Variants in TRPM7 observed in about 807,000 individuals in gnomAD.
TRPM7 encodes the protein LTRPC ion channel family member 7.
TRPM7 carries 134 observed loss-of-function variants against 229.7 expected under a neutral mutation model. The observed-to-expected ratio is 0.58, with a 90% CI of 0.51 to 0.67. TRPM7 has a LOEUF of 0.67. TRPM7 is among the 30% of genes least tolerant of loss of function. The pLI is 0.00. For synonymous variants in TRPM7, 699 were observed against 715.2 expected (o/e 0.98, Z 0.36); for missense variants, 1,901 against 2,210.0 (o/e 0.86, Z 2.80).
intron 15 of TRPM7, 47 bp downstream of exon 15, chr15:50,613,660 A>C: frequency 6.9e-7 from 1 of 1,439,814 alleles, no homozygotes; most frequent in Non-Finnish European, 9.1e-7. Flanking sequence ...GTAATTTAGA[A>C]AGAAGAAAAT....
At chr15:50,562,247 T>C (rs2053351455) in intron 38 of TRPM7, among the ~76,000 whole-genome samples, 1 of 152,132 alleles carries the variant, frequency 6.6e-6, no homozygotes, top group African/African-American at 2.4e-5. Flanking sequence ...AGACTTGTTT[T>C]CCATCAGGTT....
At chr15:50,660,264 T>C (rs541648608) in intron 2 of TRPM7, among the ~76,000 whole-genome samples, 1 of 152,260 alleles carries the variant, frequency 6.6e-6, no homozygotes, top group East Asian at 1.9e-4. Flanking sequence ...CAAAAACATT[T>C]ACAGAATGTA....
chr15:50,586,376 T>G lies in TRPM7; in HGVS notation c.4486+16A>C. Reference sequence around the variant, plus strand: ...AGTATGTTTTCTGACACTATTCATATGGTCAAAATACTCACCTTGTTTTGA... The same window carrying G: ...AGTATGTTTTCTGACACTATTCATAGGGTCAAAATACTCACCTTGTTTTGA... On this transcript the variant is annotated intron_variant, in intron 28 of 38. Transcript: ENST00000646667. The G allele has an allele frequency of 6.6e-7, 1 of 1,511,138 alleles. No individual in the cohort carries two copies. The allele number at this position is 1,511,138 out of a possible 1,614,324, so 93.6% of individuals were successfully genotyped here. A position where few individuals can be genotyped will look rare whatever the true frequency, so the allele number is the denominator to read the frequency against.
At chr15:50,613,565 G>T in intron 15 of TRPM7, 142 bp downstream of exon 15, 13 of 444,272 alleles carry the variant, frequency 2.9e-5, no homozygotes, top group East Asian at 1.0e-4. Flanking sequence ...CTCTGTGTGT[G>T]AGAAAATGAC....
At position 50,674,543 on chromosome 15, in the gene TRPM7, A is replaced by G. The variant is rs1209017579; in HGVS notation, c.4-11497T>C. ...TATTTTTAATGGTTTTTGTCTTTTA[A>G]CCTTCATACTAAAAATACAAATGAT... is the stretch of plus-strand genomic sequence containing the variant. On this transcript the variant is annotated intron_variant, in intron 1 of 38. Transcript: ENST00000646667. Among the ~76,000 whole-genome samples, 3 of 152,130 alleles carry G rather than the reference A, an allele frequency of 2.0e-5. No homozygotes were observed. In the East Asian group the frequency reaches 5.8e-4, roughly 29 times the overall value.
At chr15:50,570,486 GTTTCA>G (rs1342115944) in intron 36 of TRPM7, among the ~76,000 whole-genome samples, 1 of 152,038 alleles carries the variant, frequency 6.6e-6, no homozygotes, top group African/African-American at 2.4e-5. Context: ...ATCTGCCCTT[GTTTCA>G]TCTTAGTTAG....
In TRPM7 at chr15:50,589,591, C is replaced by T; in HGVS notation, c.4389+1G>A. The T allele has an allele frequency of 3.2e-6, 5 of 1,549,156 alleles. No individual in the cohort carries two copies. The highest frequency in any genetic ancestry group is 1.1e-5 in the South Asian group (1 of 87,798). On this transcript the variant is annotated splice_donor_variant, in intron 27 of 38. Coordinates refer to ENST00000646667, the MANE Select transcript of TRPM7 (RefSeq NM_017672.6). LOFTEE classifies it high-confidence loss of function. ...GGGTGTTTTAATAAGGATTTACTTA[C>T]GGATAGTATTTTTATCTTGTTTGAT...
At chr15:50,598,949 AT>A (rs879827432) in intron 22 of TRPM7, among the ~76,000 whole-genome samples, 172 bp downstream of exon 22, 31 of 152,094 alleles carry the variant, frequency 2.0e-4, no homozygotes, top group Admixed American at 1.0e-3. Context: ...ATTCTAAAAT[AT>A]TTTTTCTTCC....
intron 1 of TRPM7, among the ~76,000 whole-genome samples, chr15:50,673,725 G>A (rs1046300952): frequency 3.3e-5 from 5 of 151,924 alleles, no homozygotes; most frequent in African/African-American, 9.7e-5. Flanking sequence ...TATGAATTAC[G>A]CTGCTATAAA....
intron 1 of TRPM7, among the ~76,000 whole-genome samples, chr15:50,673,827 G>A (rs1048924476): frequency 1.3e-5 from 2 of 152,126 alleles, no homozygotes; most frequent in African/African-American, 4.8e-5. Context: ...GGTATCCTAA[G>A]GAATCTCCAC....
At position 50,619,767 on chromosome 15, in the gene TRPM7, T is replaced by C; in HGVS notation, c.1472A>G (p.His491Arg). The stretch of plus-strand genomic sequence containing the variant: ...TACCTGTTTGACGTCTCGAACAAGA[T>C]GAAACAGCATTGGATTAGTTGGACC... The part of the protein sequence containing the change: ...KQGPTNPMLF[H>R]LVRDVKQGNL... Residue 491 changes from histidine to arginine, a missense_variant, in exon 13 of 39, where the codon CAT (histidine) becomes CGT (arginine). Around this residue, in one of 8 missense-constraint regions of TRPM7, gnomAD observed 794 missense variants for 881.9 expected, o/e 0.90. Coordinates refer to ENST00000646667, the MANE Select transcript of TRPM7 (RefSeq NM_017672.6). The C allele has an allele frequency of 6.3e-7, 1 of 1,598,778 alleles. No homozygotes were observed. Among genetic ancestry groups the C allele is most frequent in the Non-Finnish European group, 8.5e-7 (1 of 1,175,616 alleles).
chr15:50,587,396 T>G (rs1596109920), intron 27 of TRPM7, among the ~76,000 whole-genome samples: 1 of 143,562 alleles, frequency 7.0e-6, no homozygotes, highest in South Asian at 2.3e-4. Context: ...ACTGGCTCAA[T>G]AAATACTGCT....
intron 17 of TRPM7, 40 bp downstream of exon 17, chr15:50,611,053 C>G: frequency 6.8e-7 from 1 of 1,478,366 alleles, no homozygotes; most frequent in South Asian, 1.1e-5. Flanking sequence ...TTCTTTTTAT[C>G]TAATCACATG....
chr15:50,685,351 G>C (rs1399863104), intron 1 of TRPM7, among the ~76,000 whole-genome samples: 1 of 152,188 alleles, frequency 6.6e-6, no homozygotes, highest in Non-Finnish European at 1.5e-5. Context: ...CAGCTACTCG[G>C]GAGCCTGAGG....
intron 1 of TRPM7, among the ~76,000 whole-genome samples, chr15:50,678,517 A>AAAAATATAT (rs1234712751): frequency 7.5e-6 from 1 of 132,720 alleles, no homozygotes; most frequent in African/African-American, 2.8e-5. Context: ...AAAAAAAAAA[A>AAAAATATAT]ATATATATAT....
At chr15:50,590,544 C>T (rs149829590) in intron 26 of TRPM7, among the ~76,000 whole-genome samples, 77 of 152,248 alleles carry the variant, frequency 5.1e-4, no homozygotes, top group African/African-American at 1.8e-3. Context: ...GGAATTCACT[C>T]TAGATATACA....
chr15:50,667,418 G>A (rs1350124534), intron 1 of TRPM7, among the ~76,000 whole-genome samples: 3 of 152,064 alleles, frequency 2.0e-5, no homozygotes, highest in Non-Finnish European at 4.4e-5. Context: ...AAAAATAAGA[G>A]CTGCTGGCCG....
At chr15:50,637,637 C>A in intron 6 of TRPM7, 44 bp from the exon 7 acceptor site, 7 of 1,510,994 alleles carry the variant, frequency 4.6e-6, no homozygotes, top group Non-Finnish European at 6.3e-6. Flanking sequence ...GGATTAAATA[C>A]AGTATGATGT....
chr15:50,561,711 T>C lies in TRPM7; in HGVS notation c.5565A>G (p.Ser1855=). ...TCAGACGAACAGAATTAGTTGATTC[T>C]GATTCTTTGGTGGAATTTCCAGGCT... ...NLQPGNSTKE[S]ESTNSVRLML The change falls in exon 39 of 39, where the codon TCA becomes TCG. Residue 1855 remains serine, a synonymous_variant. Transcript: ENST00000646667. 3.1e-6 allele frequency: 5 copies of C among 1,611,258 alleles called. No homozygotes were observed. The highest frequency in any genetic ancestry group is 4.2e-6 in the Non-Finnish European group (5 of 1,179,294).
Sources: gnomAD v4.1 joint callset for allele counts (sites outside exome capture counted in the v4.1 genomes callset) on GRCh38, gnomAD v4.1.1 for gene constraint, gnomAD v4.1.1 regional missense constraint, MANE v1.5 for transcripts, NCBI Gene and HGNC (gene_info 2026-07-23, HGNC 2026-07-21) for gene names.